Variants in NTM observed in about 807,000 individuals in gnomAD.
NTM encodes the protein neurotrimin.
NTM carries 13 observed loss-of-function variants against 42.1 expected under a neutral mutation model. The observed-to-expected ratio is 0.31, with a 90% CI of 0.20 to 0.49. The LOEUF (loss-of-function observed/expected upper bound fraction) is 0.49. Among genes scored for constraint, NTM ranks in the 20% least tolerant of loss-of-function variants. The pLI, the probability that NTM is intolerant of heterozygous loss-of-function variation, is 0.99. For missense variants in NTM, 373 were observed against 452.8 expected (o/e 0.82, Z 1.60); for synonymous variants, 187 against 179.2 (o/e 1.04, Z -0.35).
At chr11:131,573,306 G>A (rs556629269) in intron 1 of NTM, among the ~76,000 whole-genome samples, 4 of 152,182 alleles carry the variant, frequency 2.6e-5, no homozygotes, top group Non-Finnish European at 1.5e-5. Flanking sequence ...GCCACAGTTT[G>A]CTCATTTGCA....
chr11:132,050,008 T>A (rs2078626828), intron 2 of NTM, among the ~76,000 whole-genome samples: 1 of 152,176 alleles, frequency 6.6e-6, no homozygotes, highest in African/African-American at 2.4e-5. Flanking sequence ...GCTTTCCCAC[T>A]GACCTTTACT....
intron 1 of NTM, among the ~76,000 whole-genome samples, chr11:131,704,760 A>G (rs1349984816): frequency 6.6e-6 from 1 of 152,236 alleles, no homozygotes; most frequent in Non-Finnish European, 1.5e-5. Flanking sequence ...GAACAAAATA[A>G]TAAGTTCAAC....
chr11:131,675,044 G>A (rs558202179), intron 1 of NTM, among the ~76,000 whole-genome samples: 17 of 152,326 alleles, frequency 1.1e-4, no homozygotes, highest in African/African-American at 4.1e-4. Flanking sequence ...TAGCCCGGGT[G>A]AGCAGACCTC....
intron 3 of NTM, among the ~76,000 whole-genome samples, chr11:132,193,722 A>G (rs778166115): frequency 6.6e-6 from 1 of 151,958 alleles, no homozygotes; most frequent in Non-Finnish European, 1.5e-5. Flanking sequence ...CAACAAAACT[A>G]AAAGTTAAGA....
intron 1 of NTM, among the ~76,000 whole-genome samples, chr11:131,401,942 G>A (rs1374391610): frequency 6.8e-6 from 1 of 147,978 alleles, no homozygotes; most frequent in Non-Finnish European, 1.5e-5. Flanking sequence ...AGTTACAGAT[G>A]TAGGAGAGAT....
intron 1 of NTM, among the ~76,000 whole-genome samples, chr11:131,655,222 C>A (rs966355723): frequency 1.3e-5 from 2 of 152,136 alleles, no homozygotes; most frequent in Non-Finnish European, 2.9e-5. Flanking sequence ...TGAAGTCATT[C>A]TTGTGTGCAG....
At chr11:131,684,946 G>A (rs1417311116) in intron 1 of NTM, among the ~76,000 whole-genome samples, 2 of 152,226 alleles carry the variant, frequency 1.3e-5, no homozygotes, top group African/African-American at 2.4e-5. Context: ...TAGGGTGAAC[G>A]TGAATCTGTT....
chr11:132,190,127 T>C (rs2079064983), intron 3 of NTM, among the ~76,000 whole-genome samples: 1 of 152,106 alleles, frequency 6.6e-6, no homozygotes, highest in Admixed American at 6.5e-5. Context: ...GAATTGTTGG[T>C]GGAAGGGACA....
At chr11:131,659,814 C>A (rs1419957221) in intron 1 of NTM, among the ~76,000 whole-genome samples, 15 of 152,172 alleles carry the variant, frequency 9.9e-5, no homozygotes, top group Admixed American at 9.8e-4. Flanking sequence ...CTTTTCTCTC[C>A]AGGGCTTAGC....
chr11:132,295,143 AAC>A (rs370623032), intron 4 of NTM, among the ~76,000 whole-genome samples: 5 of 150,784 alleles, frequency 3.3e-5, no homozygotes, highest in South Asian at 2.1e-4. Flanking sequence ...CACACACACA[AAC>A]ACACACACAC....
At chr11:131,495,480 C>G (rs1399534518) in intron 1 of NTM, among the ~76,000 whole-genome samples, 3 of 152,244 alleles carry the variant, frequency 2.0e-5, no homozygotes, top group African/African-American at 7.2e-5. Flanking sequence ...GCTTTTGCCT[C>G]TCTGCCCCAC....
chr11:132,140,300 C>A (rs1192093465), intron 2 of NTM, among the ~76,000 whole-genome samples: 1 of 152,156 alleles, frequency 6.6e-6, no homozygotes, highest in Non-Finnish European at 1.5e-5. Context: ...TGTGCTGCTG[C>A]TTTTGGTTTT....
At chr11:132,076,289 T>C (rs1328713319) in intron 2 of NTM, among the ~76,000 whole-genome samples, 1 of 152,220 alleles carries the variant, frequency 6.6e-6, no homozygotes, top group Non-Finnish European at 1.5e-5. Flanking sequence ...AACTCAGCCA[T>C]GCAATAGAAT....
intron 1 of NTM, among the ~76,000 whole-genome samples, chr11:131,848,096 C>T (rs532475578): frequency 3.9e-5 from 6 of 152,224 alleles, no homozygotes; most frequent in African/African-American, 9.6e-5. Flanking sequence ...ATCATGTAGA[C>T]GTGGTGTATC....
At chr11:131,493,771 C>T (rs1188418104) in intron 1 of NTM, among the ~76,000 whole-genome samples, 1 of 152,176 alleles carries the variant, frequency 6.6e-6, no homozygotes, top group Non-Finnish European at 1.5e-5. Flanking sequence ...CTTTTTGCTA[C>T]ACTGTACCTC....
intron 5 of NTM, among the ~76,000 whole-genome samples, chr11:132,309,644 G>C (rs537362817): frequency 3.0e-4 from 46 of 152,320 alleles, no homozygotes; most frequent in Non-Finnish European, 6.0e-4. Flanking sequence ...CTTTTTCTTA[G>C]AGCGGCATCA....
At chr11:132,191,332 C>T (rs543635448) in intron 3 of NTM, among the ~76,000 whole-genome samples, 1 of 152,306 alleles carries the variant, frequency 6.6e-6, no homozygotes, top group South Asian at 2.1e-4. Flanking sequence ...GCAGCCAGTG[C>T]TCAACCTCAA....
intron 2 of NTM, chr11:131,981,310 C>T (rs1234917543): frequency 6.6e-6 from 1 of 152,184 alleles, no homozygotes; most frequent in Non-Finnish European, 1.5e-5. Flanking sequence ...TAAGTGGGCA[C>T]CCATTTTTCC....
intron 4 of NTM, among the ~76,000 whole-genome samples, chr11:132,239,577 G>T (rs1381689296): frequency 6.6e-6 from 1 of 152,144 alleles, no homozygotes; most frequent in Non-Finnish European, 1.5e-5. Context: ...AAGTCTTTGT[G>T]ATTTAATATG....
Sources: gnomAD v4.1 joint callset for allele counts (sites outside exome capture counted in the v4.1 genomes callset) on GRCh38, gnomAD v4.1.1 for gene constraint, MANE v1.5 for transcripts, NCBI Gene and HGNC (gene_info 2026-07-23, HGNC 2026-07-21) for gene names.